Variants in EPHA5 observed in about 807,000 individuals in gnomAD.
EPHA5 encodes ephrin type-A receptor 5.
Under a neutral mutation model 105.0 loss-of-function variants are expected in EPHA5, and 60 were observed. That is an observed-to-expected ratio of 0.57 (90% CI 0.46 to 0.71). The LOEUF is 0.71. Among genes scored for constraint, EPHA5 ranks in the 30% least tolerant of loss-of-function variants. The probability of loss-of-function intolerance (pLI) is 0.00; values close to 1 mark genes in which losing one functional copy is unlikely to be tolerated. For synonymous variants in EPHA5, 513 were observed against 449.1 expected, an observed-to-expected ratio of 1.14 and a Z score of -1.80; for missense variants, 1,218 against 1,274.7, an observed-to-expected ratio of 0.96 and a Z score of 0.68.
chr4:65,614,739 T>G (rs1009901618), intron 2 of EPHA5, among the ~76,000 whole-genome samples: 6 of 151,878 alleles, frequency 4.0e-5, no homozygotes, highest in African/African-American at 1.4e-4. Flanking sequence ...TACTCTTCTA[T>G]GCTCCTGCTG....
At chr4:65,571,794 C>T (rs78239926) in intron 3 of EPHA5, among the ~76,000 whole-genome samples, 2,467 of 152,058 alleles carry the variant, frequency 0.016, 43 homozygotes, top group Non-Finnish European at 0.027. Flanking sequence ...AGTCAAAATT[C>T]TTATTCTTAC....
intron 3 of EPHA5, among the ~76,000 whole-genome samples, chr4:65,545,522 G>A (rs371393903): frequency 1.3e-5 from 2 of 151,724 alleles, no homozygotes; most frequent in Non-Finnish European, 2.9e-5. Context: ...CAGACCAAGA[G>A]GTGCAAAAGA....
intron 2 of EPHA5, among the ~76,000 whole-genome samples, chr4:65,624,489 A>T (rs1467147721): frequency 6.6e-6 from 1 of 152,182 alleles, no homozygotes; most frequent in Non-Finnish European, 1.5e-5. Flanking sequence ...TTTCTTCGGA[A>T]ATTATCACAA....
chr4:65,520,790 G>T (rs985813391), intron 3 of EPHA5, among the ~76,000 whole-genome samples: 1 of 152,128 alleles, frequency 6.6e-6, no homozygotes, highest in African/African-American at 2.4e-5. Context: ...ATCATCACTG[G>T]CCATCAGAGA....
chr4:65,670,410 C>G lies in EPHA5; in HGVS notation c.-668G>C, dbSNP rs1038017355. On this transcript the variant is annotated 5_prime_UTR_variant, in exon 1 of 17. Transcript: ENST00000613740. ...GCGGCCCAGGAGCTGCTGCGGTTCCCGCTGCTCGGGGAGCAGGCGGTGTGT... is the reference window on the plus strand; with the variant it reads ...GCGGCCCAGGAGCTGCTGCGGTTCCGGCTGCTCGGGGAGCAGGCGGTGTGT... The G allele has an allele frequency of 8.6e-6, 2 of 233,488 alleles. No individual in the cohort carries two copies. Among genetic ancestry groups the G allele is most frequent in the Admixed American group, 5.6e-5 (1 of 17,780 alleles). 14.5% of individuals were successfully genotyped at this position (233,488 alleles called of 1,614,324 possible). A position where few individuals can be genotyped will look rare whatever the true frequency, so the allele number is the denominator to read the frequency against.
At chr4:65,351,750 T>C in intron 12 of EPHA5, 152 bp from the exon 13 acceptor site, 1 of 688,708 alleles carries the variant, frequency 1.5e-6, no homozygotes, top group Non-Finnish European at 2.4e-6. Flanking sequence ...TGGTAGGAAG[T>C]ATATGGCTAA....
At position 65,333,379 on chromosome 4, in the gene EPHA5, T is replaced by C. The variant is rs145838882; in HGVS notation, c.2790-1251A>G. ...GTTGAGATGGTCAATGATCTCTCTT[T>C]TGCCAAAATCTGTGAGCACTTTTCA... On this transcript the variant is annotated intron_variant, in intron 15 of 16. Coordinates refer to ENST00000613740, the MANE Select transcript of EPHA5 (RefSeq NM_001281766.3). 5.3e-5 allele frequency among the ~76,000 whole-genome samples: 8 copies of C among 151,846 alleles called. No individual in the cohort carries two copies. In the East Asian group the frequency reaches 1.6e-3, roughly 30 times the overall value.
rs2148770478 is a variant in EPHA5, at chr4:65,321,902, T to C, written c.*2212A>G. The C allele has an allele frequency of 4.4e-6, 1 of 225,822 alleles. No homozygotes were observed. The highest frequency in any genetic ancestry group is 1.8e-4 in the South Asian group (1 of 5,464). 14.0% of individuals were successfully genotyped at this position (225,822 alleles called of 1,614,324 possible). A position where few individuals can be genotyped will look rare whatever the true frequency, so the allele number is the denominator to read the frequency against. On this transcript the variant is annotated 3_prime_UTR_variant, in exon 17 of 17. Coordinates refer to ENST00000613740, the MANE Select transcript of EPHA5 (RefSeq NM_001281766.3). ...AATCAATAAGGCTTTCATTCTGAAG[T>C]TTCTCAGTTGTTACTTTATCACTTA...
At chr4:65,508,698 C>T (rs1733309415) in intron 3 of EPHA5, among the ~76,000 whole-genome samples, 1 of 152,052 alleles carries the variant, frequency 6.6e-6, no homozygotes, top group Non-Finnish European at 1.5e-5. Context: ...GTTAGATAAT[C>T]ATTGCCCAGG....
At chr4:65,400,657 TC>T (rs1214830848) in intron 8 of EPHA5, among the ~76,000 whole-genome samples, 4 of 152,258 alleles carry the variant, frequency 2.6e-5, no homozygotes, top group African/African-American at 7.2e-5. Flanking sequence ...GATTTATTTT[TC>T]ATCCTTGAGC....
chr4:65,615,786 C>T (rs1270794161), intron 2 of EPHA5, among the ~76,000 whole-genome samples: 2 of 151,812 alleles, frequency 1.3e-5, no homozygotes, highest in Non-Finnish European at 1.5e-5. Flanking sequence ...ATAGTGACAA[C>T]AACCAATGCT....
At chr4:65,387,406 T>C (rs1354269656) in intron 8 of EPHA5, among the ~76,000 whole-genome samples, 2 of 151,952 alleles carry the variant, frequency 1.3e-5, no homozygotes, top group African/African-American at 4.8e-5. Context: ...CTCATTTCAA[T>C]TTATTGGATG....
chr4:65,492,123 T>TAAG (rs569422650), intron 4 of EPHA5, among the ~76,000 whole-genome samples: 375 of 152,304 alleles, frequency 2.5e-3, no homozygotes, highest in African/African-American at 8.7e-3. Flanking sequence ...TAACATTTAT[T>TAAG]AAGTCATGAC....
chr4:65,367,542 T>A, intron 8 of EPHA5, 118 bp from the exon 9 acceptor site: 1 of 852,758 alleles, frequency 1.2e-6, no homozygotes, highest in Non-Finnish European at 1.9e-6. Context: ...TTCATACTAG[T>A]AGTTTGGAAT....
chr4:65,548,656 C>T (rs1737614166), intron 3 of EPHA5, among the ~76,000 whole-genome samples: 1 of 152,100 alleles, frequency 6.6e-6, no homozygotes, highest in African/African-American at 2.4e-5. Flanking sequence ...CAAGCAGAGG[C>T]ACTGATTGTG....
In EPHA5 at chr4:65,508,344, C is replaced by T. The variant is rs112254133; in HGVS notation, c.911-12801G>A. ...CATTGAGTGAGTATGTTGTGGTTAA[C>T]GCAATAAAACTTCCATTTAGGGACA... On this transcript the variant is annotated intron_variant, in intron 3 of 16. Coordinates refer to ENST00000613740, the MANE Select transcript of EPHA5 (RefSeq NM_001281766.3). Among the ~76,000 whole-genome samples the T allele has an allele frequency of 8.8e-3, 1,344 of 152,030 alleles. 17 individuals are homozygous for T. The highest frequency in any genetic ancestry group is 0.013 in the Non-Finnish European group (863 of 67,956).
intron 3 of EPHA5, among the ~76,000 whole-genome samples, chr4:65,513,590 G>A (rs1161862824): frequency 1.3e-5 from 2 of 152,046 alleles, no homozygotes; most frequent in Non-Finnish European, 2.9e-5. Flanking sequence ...GTTTTACCAT[G>A]TTGGCCAGGC....
intron 5 of EPHA5, among the ~76,000 whole-genome samples, chr4:65,477,657 C>T (rs1043088932): frequency 6.6e-6 from 1 of 152,002 alleles, no homozygotes; most frequent in African/African-American, 2.4e-5. Flanking sequence ...CATGATCACC[C>T]CTGCCTCGGC....
Position 65,457,676 on chromosome 4 carries a change from C to A in EPHA5, c.1402+32701G>T, listed in dbSNP as rs966881044. ...TATTACTTTTTGGTCAATGAAGAGT[C>A]GTGTAGCATAACACAGTAGTTTTCT... On this transcript the variant is annotated intron_variant, in intron 5 of 16. Transcript: ENST00000613740. Among the ~76,000 whole-genome samples, 5 of 151,848 alleles carry A rather than the reference C, an allele frequency of 3.3e-5. No homozygotes were observed. In the East Asian group the frequency reaches 9.7e-4, roughly 29 times the overall value.
Sources: allele counts gnomAD v4.1 joint callset (sites outside exome capture counted in the v4.1 genomes callset), GRCh38; gene constraint gnomAD v4.1.1; transcripts MANE v1.5; gene names NCBI Gene and HGNC (gene_info 2026-07-23, HGNC 2026-07-21).